The following EXT1 variants were observed in gnomAD, a reference collection of about 807,000 sequenced individuals.
EXT1 encodes exostosin-1.
A neutral mutation model predicts 82.5 loss-of-function variants in EXT1; 20 were observed. That is an observed-to-expected ratio of 0.24 (90% CI 0.17 to 0.35). The LOEUF is 0.35. Ranked by LOEUF, EXT1 falls within the 10% of genes least tolerant of loss-of-function variation. The probability of loss-of-function intolerance (pLI) is 1.00; values close to 1 mark genes in which losing one functional copy is unlikely to be tolerated. For missense variants in EXT1, 757 were observed against 936.5 expected (o/e 0.81, Z 2.50); for synonymous variants, 348 against 350.8 (o/e 0.99, Z 0.09).
intron 1 of EXT1, among the ~76,000 whole-genome samples, chr8:117,978,234 G>A (rs1052394119): frequency 4.6e-5 from 7 of 152,234 alleles, no homozygotes; most frequent in Non-Finnish European, 1.0e-4. Flanking sequence ...CCAGTGAAAT[G>A]TGAATGTCTG....
rs201090471 is a variant in EXT1, at chr8:117,997,314, A to AT, written c.962+112770dup. ...ATATAATATACTTTATATATATATA[A>AT]TTTTTTTTAACAAATCGTCATAACA... On this transcript the variant is annotated intron_variant, in intron 1 of 10. Coordinates refer to ENST00000378204, the MANE Select transcript of EXT1 (RefSeq NM_000127.3). 6.7e-3 allele frequency among the ~76,000 whole-genome samples: 994 copies of AT among 147,584 alleles called. 23 individuals are homozygous for AT. Among genetic ancestry groups the AT allele is most frequent in the African/African-American group, 0.024 (954 of 40,464 alleles).
At position 117,894,196 on chromosome 8, in the gene EXT1, T is replaced by A. The variant is rs74839213; in HGVS notation, c.963-56995A>T. Among the ~76,000 whole-genome samples, 64 of 152,300 alleles carry A rather than the reference T, an allele frequency of 4.2e-4. 1 individual carries two copies. In the East Asian group the frequency reaches 0.011, roughly 26 times the overall value. On this transcript the variant is annotated intron_variant, in intron 1 of 10. Transcript: ENST00000378204. Reference sequence around the variant, plus strand: ...TTTCTTTCTTTTCTTTTCTTTTCTCTTTTCTTTTACTTTTTTTGTTGTTGT... The same window carrying A: ...TTTCTTTCTTTTCTTTTCTTTTCTCATTTCTTTTACTTTTTTTGTTGTTGT...
At chr8:117,922,646 T>C (rs1377468467) in intron 1 of EXT1, among the ~76,000 whole-genome samples, 3 of 152,132 alleles carry the variant, frequency 2.0e-5, no homozygotes, top group African/African-American at 7.2e-5. Context: ...CTCTCTTCCC[T>C]TGCCTTGTTA....
intron 1 of EXT1, among the ~76,000 whole-genome samples, chr8:118,004,126 G>A (rs957127185): frequency 6.6e-6 from 1 of 152,262 alleles, no homozygotes; most frequent in East Asian, 1.9e-4. Flanking sequence ...AAAATTGTGG[G>A]GAAACCTACA....
intron 1 of EXT1, among the ~76,000 whole-genome samples, chr8:118,028,548 T>C (rs1359060982): frequency 1.3e-5 from 2 of 151,918 alleles, no homozygotes; most frequent in Non-Finnish European, 2.9e-5. Context: ...GTATATAAAT[T>C]ATATACATAT....
Position 118,111,177 on chromosome 8 carries a change from T to C in EXT1, c.-131A>G. On this transcript the variant is annotated 5_prime_UTR_variant, in exon 1 of 11. Coordinates refer to ENST00000378204, the MANE Select transcript of EXT1 (RefSeq NM_000127.3). ...TCAAACTCTCCGCTCCCACCTTCTC[T>C]GGATGCCTTTCCCCAAGCCGTGGAC... 1 of 1,308,722 alleles carries C rather than the reference T, an allele frequency of 7.6e-7. No homozygotes were observed. Among genetic ancestry groups the C allele is most frequent in the Non-Finnish European group, 1.1e-6 (1 of 941,658 alleles). The allele number at this position is 1,308,722 out of a possible 1,614,324, so 81.1% of individuals were successfully genotyped here. A position where few individuals can be genotyped will look rare whatever the true frequency, so the allele number is the denominator to read the frequency against.
At chr8:118,034,091 T>C (rs929484045) in intron 1 of EXT1, among the ~76,000 whole-genome samples, 3 of 152,220 alleles carry the variant, frequency 2.0e-5, no homozygotes, top group African/African-American at 7.2e-5. Context: ...ACTCAGATTA[T>C]TCAGATGGTA....
At chr8:117,920,264 C>A (rs1813829743) in intron 1 of EXT1, among the ~76,000 whole-genome samples, 1 of 151,986 alleles carries the variant, frequency 6.6e-6, no homozygotes, top group African/African-American at 2.4e-5. Context: ...GGCACCACAC[C>A]AGCTGATTTT....
intron 1 of EXT1, among the ~76,000 whole-genome samples, chr8:118,020,757 G>A (rs989438779): frequency 3.9e-5 from 6 of 152,186 alleles, no homozygotes; most frequent in South Asian, 2.1e-4. Context: ...TCACTCTGCT[G>A]TATCAGTGAC....
chr8:118,014,100 A>G (rs1815958898), intron 1 of EXT1, among the ~76,000 whole-genome samples: 1 of 152,230 alleles, frequency 6.6e-6, no homozygotes, highest in South Asian at 2.1e-4. Flanking sequence ...TGATGGCGAT[A>G]ATAATTACTA....
intron 4 of EXT1, among the ~76,000 whole-genome samples, chr8:117,828,501 C>G (rs1812044166): frequency 6.6e-6 from 1 of 150,876 alleles, no homozygotes; most frequent in African/African-American, 2.4e-5. Flanking sequence ...GAGTGAGATC[C>G]TGTCTAAAAA....
At chr8:117,849,999 C>T (rs1812427073) in intron 1 of EXT1, among the ~76,000 whole-genome samples, 1 of 152,198 alleles carries the variant, frequency 6.6e-6, no homozygotes, top group Non-Finnish European at 1.5e-5. Context: ...ACACATGATA[C>T]TGTGGGGCTG....
At chr8:117,909,038 A>G (rs11783359) in intron 1 of EXT1, among the ~76,000 whole-genome samples, 39,373 of 151,458 alleles carry the variant, frequency 0.26, 5,750 homozygotes, top group East Asian at 0.37. Flanking sequence ...AGGCTGAGGC[A>G]GGAGAATTGC....
chr8:117,844,883 G>A (rs1174574970), intron 1 of EXT1, among the ~76,000 whole-genome samples: 1 of 149,776 alleles, frequency 6.7e-6, no homozygotes, highest in Non-Finnish European at 1.5e-5. Flanking sequence ...ACTCAAGACA[G>A]TTTTTTGCCT....
At chr8:118,077,040 T>G (rs753412172) in intron 1 of EXT1, among the ~76,000 whole-genome samples, 1 of 152,204 alleles carries the variant, frequency 6.6e-6, no homozygotes, top group Admixed American at 6.5e-5. Context: ...CAAAAACAAG[T>G]TCATTTTTCT....
intron 1 of EXT1, among the ~76,000 whole-genome samples, chr8:117,942,122 C>T (rs1271529516): frequency 3.9e-5 from 6 of 152,254 alleles, no homozygotes; most frequent in African/African-American, 1.4e-4. Context: ...CATGGAGGAC[C>T]CATCCATATA....
chr8:117,822,414 A>G (rs1294808587), intron 5 of EXT1, 51 bp downstream of exon 5: 6 of 1,603,104 alleles, frequency 3.7e-6, no homozygotes, highest in Non-Finnish European at 5.1e-6. Flanking sequence ...TTAGTTCTGT[A>G]TGACATCTTC....
At chr8:118,106,466 C>CACTT (rs1393587743) in intron 1 of EXT1, among the ~76,000 whole-genome samples, 1 of 152,232 alleles carries the variant, frequency 6.6e-6, no homozygotes, top group Non-Finnish European at 1.5e-5. Flanking sequence ...GCTGAATGAT[C>CACTT]ACTTACCTCC....
chr8:117,802,138 A>G (rs1237252311), intron 10 of EXT1, among the ~76,000 whole-genome samples: 5 of 152,232 alleles, frequency 3.3e-5, no homozygotes, highest in Non-Finnish European at 5.9e-5. Flanking sequence ...GTACCTGAAT[A>G]CACCTAGTTA....
Sources: allele counts gnomAD v4.1 joint callset (sites outside exome capture counted in the v4.1 genomes callset), GRCh38; gene constraint gnomAD v4.1.1; transcripts MANE v1.5; gene names NCBI Gene and HGNC (gene_info 2026-07-23, HGNC 2026-07-21).